The following IL15RA variants were observed in gnomAD, a reference collection of about 807,000 sequenced individuals.
IL15RA encodes interleukin-15 receptor subunit alpha.
IL15RA carries 26 observed loss-of-function variants against 24.2 expected under a neutral mutation model. The observed-to-expected ratio is 1.07, with a 90% CI of 0.79 to 1.49. The LOEUF (loss-of-function observed/expected upper bound fraction) is 1.49. IL15RA is among the 40% of genes most tolerant of loss of function. The probability of loss-of-function intolerance (pLI) is 0.00; values close to 1 mark genes in which losing one functional copy is unlikely to be tolerated. For missense variants in IL15RA, 354 were observed against 356.4 expected (o/e 0.99, Z 0.05); for synonymous variants, 166 against 157.6 (o/e 1.05, Z -0.40).
At position 5,960,411 on chromosome 10, in the gene IL15RA, G is replaced by A. The variant is rs1047098555; in HGVS notation, c.539C>T (p.Ala180Val). ...SSHGTPSQTT[A>V]KNWELTASAS... ...GGATGCTGTGAGTTCCCAGTTCTTG[G>A]CTGTTGTCTGAGAGGGGGTGCCGTG... Residue 180 changes from alanine (A) to valine (V), a missense_variant, in exon 4 of 7, where the codon GCC (alanine) becomes GTC (valine). Physicochemically the swap from Ala to Val is moderately conservative, Grantham distance 64. Coordinates refer to ENST00000379977, the MANE Select transcript of IL15RA (RefSeq NM_002189.4). The surrounding 1 kb of genome is among the most constrained non-coding windows in gnomAD (Gnocchi z 5.1). 5 of 1,614,016 alleles carry A rather than the reference G, an allele frequency of 3.1e-6. No homozygotes were observed. The African/African-American group carries it at 6.7e-5, about 22-fold the overall frequency.
chr10:5,969,358 A>AATTTTTAAATTAAATTTT, intron 1 of IL15RA, among the ~76,000 whole-genome samples: 1 of 3,218 alleles, frequency 3.1e-4, no homozygotes, highest in Non-Finnish European at 0.011. Context: ...AATTTTTTAA[A>AATTTTTAAATTAAATTTT]TTAAATTAAA....
chr10:5,974,119 C>T (rs967895779), intron 1 of IL15RA, among the ~76,000 whole-genome samples: 2 of 152,204 alleles, frequency 1.3e-5, no homozygotes, highest in Non-Finnish European at 2.9e-5. Flanking sequence ...CCTGCCTCAG[C>T]CTCCTGAGTA....
chr10:5,951,873 T>C (rs1438381038), downstream of IL15RA, among the ~76,000 whole-genome samples: 1 of 152,028 alleles, frequency 6.6e-6, no homozygotes. Context: ...TTGCCCAGGG[T>C]GTTCTTGAAC....
In IL15RA at chr10:5,952,567, T is replaced by A. The variant is rs1257279604; in HGVS notation, c.*528A>T. On this transcript the variant is annotated 3_prime_UTR_variant, in exon 7 of 7. Transcript: ENST00000379977. ...TGGAGAGGATTCGCTGGGCTCAGCA[T>A]CTCTCCCACCTTTCCCAGGTCCCTG... is the stretch of plus-strand genomic sequence containing the variant. The A allele has an allele frequency of 6.4e-6, 1 of 157,002 alleles. No homozygotes were observed. Among genetic ancestry groups the A allele is most frequent in the Non-Finnish European group, 1.4e-5 (1 of 70,494 alleles). 9.7% of individuals were successfully genotyped at this position (157,002 alleles called of 1,614,324 possible). A position where few individuals can be genotyped will look rare whatever the true frequency, so the allele number is the denominator to read the frequency against.
Position 5,965,090 on chromosome 10 carries a change from C to T in IL15RA, c.283+1055G>A, listed in dbSNP as rs937242192. The stretch of plus-strand genomic sequence containing the variant: ...GGGCCGCTCCATGCAGGGGCGCGCT[C>T]ATCCCTGCCCCAGAGATGAACTGGG... On this transcript the variant is annotated intron_variant, in intron 2 of 6. Transcript: ENST00000379977. This position sits in a 1 kb window ranked among gnomAD's most constrained non-coding sequence, Gnocchi z 5.8. Among the ~76,000 whole-genome samples, 2 of 152,216 alleles carry T rather than the reference C, an allele frequency of 1.3e-5. No homozygotes were observed. The highest frequency in any genetic ancestry group is 4.8e-5 in the African/African-American group (2 of 41,444).
In IL15RA at chr10:5,970,356, A is replaced by G. The variant is rs904164921; in HGVS notation, c.89-4017T>C. Among the ~76,000 whole-genome samples the G allele has an allele frequency of 6.6e-6, 1 of 152,198 alleles. No homozygotes were observed. Among genetic ancestry groups the G allele is most frequent in the Non-Finnish European group, 1.5e-5 (1 of 68,042 alleles). The stretch of plus-strand genomic sequence containing the variant: ...TGACATATGTTATACCCCATGACAC[A>G]TTGTTATTATTTTGCTTTAAACAGT... On this transcript the variant is annotated intron_variant, in intron 1 of 6. Transcript: ENST00000379977. The surrounding 1 kb of genome is among the most constrained non-coding windows in gnomAD (Gnocchi z 4.1).
At chr10:5,974,121 T>C (rs1393587045) in intron 1 of IL15RA, among the ~76,000 whole-genome samples, 1 of 152,170 alleles carries the variant, frequency 6.6e-6, no homozygotes, top group Non-Finnish European at 1.5e-5. Flanking sequence ...TGCCTCAGCC[T>C]CCTGAGTAGC....
Position 5,970,170 on chromosome 10 carries a change from AGTTTAGT to A in IL15RA, c.89-3838_89-3832del, listed in dbSNP as rs1837342277. Among the ~76,000 whole-genome samples, 1 of 152,258 alleles carries A rather than the reference AGTTTAGT, an allele frequency of 6.6e-6. No individual in the cohort carries two copies. The highest frequency in any genetic ancestry group is 2.4e-5 in the African/African-American group (1 of 41,558). Reference sequence around the variant, plus strand: ...GTTATTAACTATAACTCGTTGTACTAGTTTAGTGGTTGTTTTAGGGTGTCCACTATAT... The same window carrying A: ...GTTATTAACTATAACTCGTTGTACTAGGTTGTTTTAGGGTGTCCACTATAT... On this transcript the variant is annotated intron_variant, in intron 1 of 6. Coordinates refer to ENST00000379977, the MANE Select transcript of IL15RA (RefSeq NM_002189.4). This position sits in a 1 kb window ranked among gnomAD's most constrained non-coding sequence, Gnocchi z 4.1.
rs1323649 is a variant in IL15RA, at chr10:5,970,859, T to C, written c.89-4520A>G. On this transcript the variant is annotated intron_variant, in intron 1 of 6. Transcript: ENST00000379977. This position sits in a 1 kb window ranked among gnomAD's most constrained non-coding sequence, Gnocchi z 4.1. ...CGCTGCAGCCTCAAACTCCTGGCCT[T>C]AAGCAATCCTCCTGCCTCAGCCTCC... Among the ~76,000 whole-genome samples, 151,642 of 152,114 alleles carry C rather than the reference T, an allele frequency of 1. 75,589 individuals carry two copies. Among genetic ancestry groups the C allele is most frequent in the Middle Eastern group, 1 (294 of 294 alleles).
rs1284599945 is a variant in IL15RA at position 5,966,259 on chromosome 10, A to G, written c.169T>C (p.Tyr57His). The part of the protein sequence containing the change: ...KSYSLYSRER[Y>H]ICNSGFKRKA... ...CGCTTGAAACCAGAGTTACAAATGT[A>G]CCGCTCCCTGGAGTACAAGCTGTAG... Residue 57 changes from tyrosine (Y) to histidine (H), a missense_variant, in exon 2 of 7, where the codon TAC becomes CAC. Coordinates refer to ENST00000379977, the MANE Select transcript of IL15RA (RefSeq NM_002189.4). The surrounding 1 kb of genome is among the most constrained non-coding windows in gnomAD (Gnocchi z 6.4). The G allele has an allele frequency of 1.2e-6, 2 of 1,614,066 alleles. No homozygotes were observed. The highest frequency in any genetic ancestry group is 2.2e-5 in the South Asian group (2 of 91,088).
At chr10:5,949,169 T>C (rs1287035885), downstream of IL15RA, 12 of 469,660 alleles carry the variant, frequency 2.6e-5, no homozygotes, top group East Asian at 4.2e-4. This position sits in a 1 kb window ranked among gnomAD's most constrained non-coding sequence, Gnocchi z 4.4. Context: ...GTCTTCCCTA[T>C]AGACATCTCC....
Position 5,953,439 on chromosome 10 carries a change from A to C in IL15RA, c.693-233T>G. ...ATCTAGGGGCCAGGTGTGGTGGCGC[A>C]TGCCTGTAATCCTAGCACTTTAGGA... On this transcript the variant is annotated intron_variant, in intron 6 of 6. Coordinates refer to ENST00000379977, the MANE Select transcript of IL15RA (RefSeq NM_002189.4). This position sits in a 1 kb window ranked among gnomAD's most constrained non-coding sequence, Gnocchi z 5.3. 2 of 688,792 alleles carry C rather than the reference A, an allele frequency of 2.9e-6. No individual in the cohort carries two copies. Among genetic ancestry groups the C allele is most frequent in the Non-Finnish European group, 2.7e-6 (1 of 376,702 alleles). 42.7% of individuals were successfully genotyped at this position (688,792 alleles called of 1,614,324 possible). A position where few individuals can be genotyped will look rare whatever the true frequency, so the allele number is the denominator to read the frequency against.
In IL15RA at chr10:5,967,485, G is replaced by A. The variant is rs1293569428; in HGVS notation, c.89-1146C>T. 6.6e-6 allele frequency among the ~76,000 whole-genome samples: 1 copy of A among 152,224 alleles called. No homozygotes were observed. Among genetic ancestry groups the A allele is most frequent in the East Asian group, 1.9e-4 (1 of 5,198 alleles). ...CCCAAAGTGTTGGGATTACAGGTGT[G>A]AGCCACCGCACCCGGCCAAGATCAG... On this transcript the variant is annotated intron_variant, in intron 1 of 6. Transcript: ENST00000379977. This position sits in a 1 kb window ranked among gnomAD's most constrained non-coding sequence, Gnocchi z 4.4.
rs1175653401 is a variant in IL15RA, at chr10:5,967,124, G to A, written c.89-785C>T. On this transcript the variant is annotated intron_variant, in intron 1 of 6. Transcript: ENST00000379977. This position sits in a 1 kb window ranked among gnomAD's most constrained non-coding sequence, Gnocchi z 4.4. ...ATCTCAAAAATCCACTCCCTTGTGT[G>A]TGCACATGTGTGTGTTAGCTTGGCA... is the stretch of plus-strand genomic sequence containing the variant. Among the ~76,000 whole-genome samples, 4 of 152,222 alleles carry A rather than the reference G, an allele frequency of 2.6e-5. No individual in the cohort carries two copies. The highest frequency in any genetic ancestry group is 7.2e-5 in the African/African-American group (3 of 41,462).
chr10:5,966,240 A>G lies in IL15RA; in HGVS notation c.188T>C (p.Phe63Ser), dbSNP rs768489269. Residue 63 changes from phenylalanine (F) to serine (S), a missense_variant, in exon 2 of 7, where the codon TTC becomes TCC. By Grantham distance (155) the Phe-to-Ser change is radical. Transcript: ENST00000379977. This position sits in a 1 kb window ranked among gnomAD's most constrained non-coding sequence, Gnocchi z 6.4. The part of the protein sequence containing the change: ...SRERYICNSG[F>S]KRKAGTSSLT... ...GCTGGACGTGCCGGCTTTACGCTTG[A>G]AACCAGAGTTACAAATGTACCGCTC... The G allele has an allele frequency of 1.2e-6, 2 of 1,614,132 alleles. No homozygotes were observed. Among genetic ancestry groups the G allele is most frequent in the Non-Finnish European group, 1.7e-6 (2 of 1,179,970 alleles).
chr10:5,949,647 C>T (rs1318974626), downstream of IL15RA, among the ~76,000 whole-genome samples: 3 of 152,174 alleles, frequency 2.0e-5, no homozygotes, highest in Non-Finnish European at 4.4e-5. This position sits in a 1 kb window ranked among gnomAD's most constrained non-coding sequence, Gnocchi z 4.4. Context: ...GATCCCTGCT[C>T]TCCCACTTCC....
At chr10:5,972,409 TG>T (rs1837761364) in intron 1 of IL15RA, among the ~76,000 whole-genome samples, 1 of 152,226 alleles carries the variant, frequency 6.6e-6, no homozygotes, top group Non-Finnish European at 1.5e-5. Context: ...AGTCTCGCTT[TG>T]TCGCCCAGGC....
At chr10:5,976,443 G>A (rs1838465225) in intron 1 of IL15RA, among the ~76,000 whole-genome samples, 1 of 152,158 alleles carries the variant, frequency 6.6e-6, no homozygotes, top group African/African-American at 2.4e-5. Context: ...CCTATAGAGA[G>A]TCCATGGATG....
rs1833962873 is a variant in IL15RA at position 5,952,574 on chromosome 10, C to T, written c.*521G>A. The T allele has an allele frequency of 6.3e-6, 1 of 157,762 alleles. No individual in the cohort carries two copies. Among genetic ancestry groups the T allele is most frequent in the African/African-American group, 2.4e-5 (1 of 41,510 alleles). 9.8% of individuals were successfully genotyped at this position (157,762 alleles called of 1,614,324 possible). ...GATTCGCTGGGCTCAGCATCTCTCC[C>T]ACCTTTCCCAGGTCCCTGTCCATGT... On this transcript the variant is annotated 3_prime_UTR_variant, in exon 7 of 7. Transcript: ENST00000379977.
Sources: gnomAD v4.1 joint callset for allele counts (sites outside exome capture counted in the v4.1 genomes callset) on GRCh38, gnomAD v4.1.1 for gene constraint, Gnocchi (gnomAD v3.1) non-coding constraint, MANE v1.5 for transcripts, NCBI Gene and HGNC (gene_info 2026-07-23, HGNC 2026-07-21) for gene names.